Variants in TMEM94 observed in about 807,000 individuals in gnomAD.
The protein encoded by TMEM94 is ER Mg2+ ATPase.
A neutral mutation model predicts 158.6 loss-of-function variants in TMEM94; 81 were observed. That is an observed-to-expected ratio of 0.51 (90% CI 0.43 to 0.61). The LOEUF (loss-of-function observed/expected upper bound fraction) is 0.61, where lower values mean the gene tolerates loss of function less well. Ranked by LOEUF, TMEM94 falls within the 20% of genes least tolerant of loss-of-function variation. The pLI is 0.00. For synonymous variants in TMEM94, 751 were observed against 730.7 expected, an observed-to-expected ratio of 1.03 and a Z score of -0.45; for missense variants, 1,435 against 1,762.0, an observed-to-expected ratio of 0.81 and a Z score of 3.32.
chr17:75,495,916 A>T lies in TMEM94; in HGVS notation c.2945-50A>T, dbSNP rs767356086. On this transcript the variant is annotated intron_variant, in intron 22 of 31. Coordinates refer to ENST00000314256, the MANE Select transcript of TMEM94 (RefSeq NM_014738.6). This position sits in a 1 kb window ranked among gnomAD's most constrained non-coding sequence, Gnocchi z 5.6. ...TCCCATGGGTCTCTGCCCAGTGCCC[A>T]CTTGGTGCTCTGCCTGCCTGACTCT... 7.3e-7 allele frequency: 1 copy of T among 1,371,206 alleles called. No homozygotes were observed. Among genetic ancestry groups the T allele is most frequent in the Non-Finnish European group, 1.0e-6 (1 of 967,688 alleles). 84.9% of individuals were successfully genotyped at this position (1,371,206 alleles called of 1,614,324 possible). A position where few individuals can be genotyped will look rare whatever the true frequency, so the allele number is the denominator to read the frequency against.
At chr17:75,478,565 G>A (rs191444068) in intron 2 of TMEM94, among the ~76,000 whole-genome samples, 36 of 152,210 alleles carry the variant, frequency 2.4e-4, no homozygotes, top group Admixed American at 9.2e-4. Context: ...CTGATTTGAT[G>A]GATAGAGTTC....
At chr17:75,494,116 G>T (rs1421436850) in intron 18 of TMEM94, among the ~76,000 whole-genome samples, 200 bp downstream of exon 18, 1 of 152,210 alleles carries the variant, frequency 6.6e-6, no homozygotes, top group Non-Finnish European at 1.5e-5. Flanking sequence ...TTATCAGTGG[G>T]TGCTCACTTG....
In TMEM94 at chr17:75,471,816, A is replaced by T. The variant is rs58039730; in HGVS notation, c.-90A>T. 0.025 allele frequency: 33,515 copies of T among 1,319,496 alleles called. 620 individuals are homozygous for T. The highest frequency in any genetic ancestry group is 0.076 in the Middle Eastern group (345 of 4,518). 81.7% of individuals were successfully genotyped at this position (1,319,496 alleles called of 1,614,324 possible). On this transcript the variant is annotated 5_prime_UTR_variant, in exon 2 of 32. Transcript: ENST00000314256. ...TTTCCCCAGATGTTGTGACTGTGAC[A>T]GACTCACTGGGGTTTGTACATGCTG...
At position 75,478,003 on chromosome 17, in the gene TMEM94, C is replaced by CTTTTTTTT. The variant is rs909668190; in HGVS notation, c.24+6097_24+6104dup. Reference sequence around the variant, plus strand: ...CCTGGGCAACAAAGCGAGACTCCATCTTTTTTTTTTTTTTTTTTTTTTTTT... The same window carrying CTTTTTTTT: ...CCTGGGCAACAAAGCGAGACTCCATCTTTTTTTTTTTTTTTTTTTTTTTTTTTTTTTTT... On this transcript the variant is annotated intron_variant, in intron 2 of 31. Transcript: ENST00000314256. 1.9e-3 allele frequency among the ~76,000 whole-genome samples: 108 copies of CTTTTTTTT among 57,916 alleles called. 8 individuals carry two copies. Among genetic ancestry groups the CTTTTTTTT allele is most frequent in the African/African-American group, 6.7e-3 (64 of 9,554 alleles). The allele number at this position is 57,916 out of a possible 152,430, so 38.0% of individuals were successfully genotyped here. A position where few individuals can be genotyped will look rare whatever the true frequency, so the allele number is the denominator to read the frequency against.
At chr17:75,476,718 T>C (rs1312652043) in intron 2 of TMEM94, 2 of 1,535,730 alleles carry the variant, frequency 1.3e-6, no homozygotes. Flanking sequence ...GAGCTATGGA[T>C]GCCCCATCAG....
At chr17:75,496,974 G>T in intron 25 of TMEM94, 139 bp from the exon 26 acceptor site, 1 of 1,005,050 alleles carries the variant, frequency 9.9e-7, no homozygotes. Context: ...ATTGGCAGAA[G>T]AGTATTCCCT....
In TMEM94 at chr17:75,499,526, C is replaced by G. The variant is rs1476984304; in HGVS notation, c.*192C>G. The G allele has an allele frequency of 1.5e-5, 9 of 615,012 alleles. No individual in the cohort carries two copies. The highest frequency in any genetic ancestry group is 2.6e-5 in the Non-Finnish European group (9 of 349,826). 38.1% of individuals were successfully genotyped at this position (615,012 alleles called of 1,614,324 possible). On this transcript the variant is annotated 3_prime_UTR_variant, in exon 32 of 32. Transcript: ENST00000314256. Reference sequence around the variant, plus strand: ...GGCTCACTGTGGAGGAGCTGACGGCCTGGGCCCTTGGCCAGTCCTGGCTCT... The same window carrying G: ...GGCTCACTGTGGAGGAGCTGACGGCGTGGGCCCTTGGCCAGTCCTGGCTCT...
Position 75,498,271 on chromosome 17 carries a change from G to C in TMEM94, c.3586G>C (p.Asp1196His). The change falls in exon 28 of 32, where the codon GAC (aspartate) becomes CAC (histidine). Residue 1196 changes from aspartate to histidine, a missense_variant. By Grantham distance (81) the Asp-to-His change is moderately conservative. Around this residue, in one of 3 missense-constraint regions of TMEM94, gnomAD observed 335 missense variants for 409.1 expected, o/e 0.82. Transcript: ENST00000314256. This position sits in a 1 kb window ranked among gnomAD's most constrained non-coding sequence, Gnocchi z 6.7. ...CFGFTLQSFCDSSRDRNLTNC... is the reference protein window; with the variant it reads ...CFGFTLQSFCHSSRDRNLTNC... ...TGGCTTCACACTGCAGAGCTTCTGT[G>C]ACAGCTCCCGGGACCGCAACCTCAC... The C allele has an allele frequency of 6.2e-7, 1 of 1,613,586 alleles. No individual in the cohort carries two copies. The highest frequency in any genetic ancestry group is 8.5e-7 in the Non-Finnish European group (1 of 1,180,026).
chr17:75,488,426 G>A (rs1163132181), intron 6 of TMEM94, among the ~76,000 whole-genome samples: 1 of 152,196 alleles, frequency 6.6e-6, no homozygotes, highest in Non-Finnish European at 1.5e-5. Context: ...ACAGGCACAT[G>A]CCACCACACC....
intron 2 of TMEM94, among the ~76,000 whole-genome samples, chr17:75,475,296 A>G (rs2050641107): frequency 6.6e-6 from 1 of 152,160 alleles, no homozygotes; most frequent in South Asian, 2.1e-4. Flanking sequence ...GGGGCCGCAC[A>G]GGGAGTTGCA....
Position 75,488,062 on chromosome 17 carries a change from C to T in TMEM94, c.540C>T (p.Ser180=). The T allele has an allele frequency of 6.2e-7, 1 of 1,614,194 alleles. No homozygotes were observed. ...RDGHLVNLPV[S]LLVEGDIIAL... ...GACACCTGGTCAACCTGCCAGTCAGCCTGCTGGTTGAAGGAGACATCATAG... is the reference window on the plus strand; with the variant it reads ...GACACCTGGTCAACCTGCCAGTCAGTCTGCTGGTTGAAGGAGACATCATAG... Residue 180 remains serine (S), a synonymous_variant, in exon 6 of 32, where the codon AGC becomes AGT. Transcript: ENST00000314256.
chr17:75,469,941 C>T (rs2050437622), intron 1 of TMEM94, among the ~76,000 whole-genome samples: 1 of 151,996 alleles, frequency 6.6e-6, no homozygotes, highest in African/African-American at 2.4e-5. Flanking sequence ...GGCGTGGTGG[C>T]ACATGCCTGT....
intron 27 of TMEM94, 119 bp downstream of exon 27, chr17:75,497,981 A>T: frequency 8.6e-7 from 1 of 1,168,676 alleles, no homozygotes; most frequent in South Asian, 1.4e-5. Flanking sequence ...GAACTCCGGC[A>T]CTTGGTTCCT....
intron 1 of TMEM94, among the ~76,000 whole-genome samples, chr17:75,463,117 TATATATATAC>T (rs1411548511): frequency 5.7e-5 from 1 of 17,500 alleles, no homozygotes; most frequent in Non-Finnish European, 1.2e-4. Flanking sequence ...TATATATATG[TATATATATAC>T]GTGTATATAT....
At position 75,492,773 on chromosome 17, in the gene TMEM94, G is replaced by A; in HGVS notation, c.1896G>A (p.Glu632=). The change falls in exon 15 of 32, where the codon GAG becomes GAA. Residue 632 remains glutamate, a synonymous_variant. Transcript: ENST00000314256. This position sits in a 1 kb window ranked among gnomAD's most constrained non-coding sequence, Gnocchi z 4.4. ...LPVHVPWGLC[E]LARLIGFTPG... ...TCCATGTGCCCTGGGGCCTCTGCGA[G>A]CTTGCCCGCCTCATTGGTACAGGTC... 1 of 1,606,372 alleles carries A rather than the reference G, an allele frequency of 6.2e-7. No individual in the cohort carries two copies. Among genetic ancestry groups the A allele is most frequent in the Non-Finnish European group, 8.5e-7 (1 of 1,179,076 alleles).
chr17:75,458,938 T>A (rs1040294107), intron 1 of TMEM94, among the ~76,000 whole-genome samples: 3 of 150,122 alleles, frequency 2.0e-5, no homozygotes, highest in Admixed American at 6.6e-5. Flanking sequence ...GTGCCTGTAG[T>A]CCCAGCTACT....
chr17:75,493,896 G>A lies in TMEM94; in HGVS notation c.2387G>A (p.Arg796His), dbSNP rs752640032. The A allele has an allele frequency of 1.4e-5, 23 of 1,611,864 alleles. No homozygotes were observed. Among genetic ancestry groups the A allele is most frequent in the African/African-American group, 4.0e-5 (3 of 74,908 alleles). The change falls in exon 18 of 32, where the codon CGC becomes CAC. Residue 796 changes from arginine (R) to histidine (H), a missense_variant. Physicochemically the swap from Arg to His is conservative, Grantham distance 29 (BLOSUM62 0). This residue lies in a region of TMEM94 where 1,051 missense variants were observed against 1,254.4 expected (regional missense o/e 0.84). Coordinates refer to ENST00000314256, the MANE Select transcript of TMEM94 (RefSeq NM_014738.6). ...STIPIKQNAR[R>H]SSWSSDEGIG... Reference sequence around the variant, plus strand: ...ATCCCCATCAAGCAGAACGCCCGCCGCAGCAGCTGGAGCTCTGACGGTACC... The same window carrying A: ...ATCCCCATCAAGCAGAACGCCCGCCACAGCAGCTGGAGCTCTGACGGTACC...
Position 75,488,771 on chromosome 17 carries a change from A to G in TMEM94, c.625A>G (p.Ile209Val). 1 of 1,613,898 alleles carries G rather than the reference A, an allele frequency of 6.2e-7. No homozygotes were observed. The highest frequency in any genetic ancestry group is 8.5e-7 in the Non-Finnish European group (1 of 1,179,912). Residue 209 changes from isoleucine to valine, a missense_variant, in exon 7 of 32, where the codon ATC becomes GTC. Around this residue, in one of 3 missense-constraint regions of TMEM94, gnomAD observed 1,051 missense variants for 1,254.4 expected, o/e 0.84. Coordinates refer to ENST00000314256, the MANE Select transcript of TMEM94 (RefSeq NM_014738.6). ...SLRGIKDDEH[I>V]VLEPGDLFPP... ...TTGCTGCCGGCAGGATGACGAGCAC[A>G]TCGTCCTGGAGCCGGGAGACCTCTT...
chr17:75,460,051 A>C (rs1432191791), intron 1 of TMEM94, among the ~76,000 whole-genome samples: 1 of 152,098 alleles, frequency 6.6e-6, no homozygotes, highest in East Asian at 1.9e-4. Context: ...CTGAGACGGT[A>C]GTAAACAGTA....
Sources: gnomAD v4.1 joint callset for allele counts (sites outside exome capture counted in the v4.1 genomes callset) on GRCh38, gnomAD v4.1.1 for gene constraint, gnomAD v4.1.1 regional missense constraint, Gnocchi (gnomAD v3.1) non-coding constraint, MANE v1.5 for transcripts, NCBI Gene and HGNC (gene_info 2026-07-23, HGNC 2026-07-21) for gene names.